Variants in ROBO1 observed in about 807,000 individuals in gnomAD.
The protein encoded by ROBO1 is roundabout homolog 1.
ROBO1 carries 149 observed loss-of-function variants against 195.9 expected under a neutral mutation model. That is an observed-to-expected ratio of 0.76 (90% CI 0.67 to 0.87). The LOEUF is 0.87. ROBO1 is among the 40% of genes least tolerant of loss of function. The pLI is 0.00. For missense variants in ROBO1, 1,933 were observed against 2,068.3 expected, an observed-to-expected ratio of 0.93 and a Z score of 1.27; for synonymous variants, 816 against 733.2, an observed-to-expected ratio of 1.11 and a Z score of -1.82.
At chr3:79,538,241 T>G (rs1941945519) in intron 2 of ROBO1, among the ~76,000 whole-genome samples, 1 of 152,188 alleles carries the variant, frequency 6.6e-6, no homozygotes, top group Non-Finnish European at 1.5e-5. Context: ...AGATTTAATG[T>G]ATCTTTCCAA....
intron 26 of ROBO1, among the ~76,000 whole-genome samples, chr3:78,621,700 C>A (rs369290672): frequency 1.1e-4 from 17 of 152,148 alleles, no homozygotes; most frequent in African/African-American, 4.1e-4. Context: ...GATTTCTCCC[C>A]GAGGGGTTTC....
intron 1 of ROBO1, among the ~76,000 whole-genome samples, chr3:79,665,633 T>C (rs910508491): frequency 4.0e-5 from 6 of 151,882 alleles, no homozygotes; most frequent in African/African-American, 1.2e-4. Flanking sequence ...TCTACTCTTA[T>C]AGAGATCACC....
Position 78,951,049 on chromosome 3 carries a change from G to A in ROBO1, c.173-12122C>T, listed in dbSNP as rs1160814756. 2.6e-5 allele frequency among the ~76,000 whole-genome samples: 4 copies of A among 151,524 alleles called. No homozygotes were observed. In the East Asian group the frequency reaches 7.8e-4, roughly 29 times the overall value. On this transcript the variant is annotated intron_variant, in intron 3 of 30. Coordinates refer to ENST00000464233, the MANE Select transcript of ROBO1 (RefSeq NM_002941.4). ...TAATATATATAAAACCTATATATGT[G>A]TATGTTATATATCATATATAACCTA... is the stretch of plus-strand genomic sequence containing the variant.
rs369027577 is a variant in ROBO1, at chr3:78,639,904, T to TAA, written c.2883-8_2883-7dup. ...TGATGTTGAGAAGTCCAGGCCTAAA[T>TAA]AAAAAAAAAATATTAAAGCAAATGT... On this transcript the variant is annotated splice_region_variant and splice_polypyrimidine_tract_variant and intron_variant, in intron 21 of 30. Transcript: ENST00000464233. The TAA allele has an allele frequency of 2.6e-5, 37 of 1,397,772 alleles. No homozygotes were observed. Among genetic ancestry groups the TAA allele is most frequent in the South Asian group, 9.9e-5 (7 of 70,808 alleles). 86.6% of individuals were successfully genotyped at this position (1,397,772 alleles called of 1,614,324 possible). A position where few individuals can be genotyped will look rare whatever the true frequency, so the allele number is the denominator to read the frequency against.
At chr3:79,452,152 T>C (rs1202771492) in intron 2 of ROBO1, among the ~76,000 whole-genome samples, 2 of 152,130 alleles carry the variant, frequency 1.3e-5, no homozygotes, top group Admixed American at 6.6e-5. Flanking sequence ...CTCACTCCAA[T>C]TTATTTTCCA....
chr3:78,689,086 T>A (rs1193745474), intron 8 of ROBO1, among the ~76,000 whole-genome samples: 1 of 152,198 alleles, frequency 6.6e-6, no homozygotes, highest in Non-Finnish European at 1.5e-5. Flanking sequence ...TGAACAAATA[T>A]TATCTTTTCT....
At chr3:78,958,246 G>A (rs9818387) in intron 3 of ROBO1, among the ~76,000 whole-genome samples, 21,371 of 152,160 alleles carry the variant, frequency 0.14, 2,156 homozygotes, top group African/African-American at 0.29. Context: ...CTCTGGGTAC[G>A]AAGACTAGTA....
intron 1 of ROBO1, among the ~76,000 whole-genome samples, chr3:79,672,814 A>G (rs1487544922): frequency 3.3e-5 from 5 of 151,906 alleles, no homozygotes; most frequent in Admixed American, 3.3e-4. Context: ...TATTTTCTCT[A>G]TGTCATGCCA....
intron 2 of ROBO1, among the ~76,000 whole-genome samples, chr3:79,197,389 T>C (rs1197134406): frequency 6.6e-6 from 1 of 152,072 alleles, no homozygotes; most frequent in East Asian, 1.9e-4. Context: ...TATGGCTGCA[T>C]AGTATTCCAT....
intron 2 of ROBO1, among the ~76,000 whole-genome samples, chr3:79,345,092 C>A (rs2035060575): frequency 6.6e-6 from 1 of 152,012 alleles, no homozygotes; most frequent in Non-Finnish European, 1.5e-5. Context: ...ACGGACTACA[C>A]AGAGGGATAA....
intron 4 of ROBO1, among the ~76,000 whole-genome samples, chr3:78,815,919 G>C (rs1209840740): frequency 6.6e-6 from 1 of 151,872 alleles, no homozygotes; most frequent in Non-Finnish European, 1.5e-5. Context: ...AATGCATATA[G>C]AGATACACAG....
chr3:79,229,981 A>C (rs2108848647), intron 2 of ROBO1, among the ~76,000 whole-genome samples: 1 of 152,280 alleles, frequency 6.6e-6, no homozygotes, highest in Middle Eastern at 3.4e-3. Flanking sequence ...TGTAATTTCA[A>C]GAAAGTCTTC....
intron 2 of ROBO1, among the ~76,000 whole-genome samples, chr3:79,307,597 T>C (rs994916606): frequency 6.6e-6 from 1 of 152,042 alleles, no homozygotes; most frequent in Non-Finnish European, 1.5e-5. Context: ...GAAATCACTA[T>C]GAAATATTTA....
chr3:79,682,958 C>G (rs1459401802), intron 1 of ROBO1, among the ~76,000 whole-genome samples: 1 of 137,866 alleles, frequency 7.3e-6, no homozygotes, highest in Non-Finnish European at 1.6e-5. Flanking sequence ...TGATCTCATT[C>G]AGAACATGTA....
At chr3:79,609,933 G>A (rs374573443) in intron 1 of ROBO1, among the ~76,000 whole-genome samples, 1 of 151,788 alleles carries the variant, frequency 6.6e-6, no homozygotes, top group East Asian at 1.9e-4. Flanking sequence ...TGGTCATGAT[G>A]GTTGAACCAC....
intron 4 of ROBO1, among the ~76,000 whole-genome samples, chr3:78,935,095 G>A (rs780419453): frequency 2.0e-5 from 3 of 151,928 alleles, no homozygotes; most frequent in Non-Finnish European, 2.9e-5. Context: ...TGAAAGCAGC[G>A]AGAAAATATT....
chr3:79,644,515 A>G (rs1945760720), intron 1 of ROBO1, among the ~76,000 whole-genome samples: 1 of 152,120 alleles, frequency 6.6e-6, no homozygotes, highest in Non-Finnish European at 1.5e-5. Context: ...CAGGCAAAGA[A>G]AGAGAGCTTG....
chr3:78,852,255 T>C (rs777670749), intron 4 of ROBO1, among the ~76,000 whole-genome samples: 4 of 152,132 alleles, frequency 2.6e-5, no homozygotes, highest in South Asian at 2.1e-4. Context: ...AGTGCAAAGA[T>C]GATTTGTGGA....
At chr3:78,658,069 C>T (rs1276574868) in intron 17 of ROBO1, among the ~76,000 whole-genome samples, 1 of 152,128 alleles carries the variant, frequency 6.6e-6, no homozygotes, top group African/African-American at 2.4e-5. Flanking sequence ...CTTCTAATAA[C>T]AAAGAGTTAC....
Sources: gnomAD v4.1 joint callset for allele counts (sites outside exome capture counted in the v4.1 genomes callset) on GRCh38, gnomAD v4.1.1 for gene constraint, MANE v1.5 for transcripts, NCBI Gene and HGNC (gene_info 2026-07-23, HGNC 2026-07-21) for gene names.